Variants in PALMD observed in about 807,000 individuals in gnomAD.
PALMD encodes the protein palmdelphin, also known as paralemmin-like protein.
A neutral mutation model predicts 56.2 loss-of-function variants in PALMD; 42 were observed. The ratio of observed to expected loss-of-function variants is 0.75; its 90% CI spans 0.58 to 0.97. The LOEUF (loss-of-function observed/expected upper bound fraction) is 0.97. Among genes scored for constraint, PALMD ranks in the 50% least tolerant of loss-of-function variants. The probability of loss-of-function intolerance (pLI) is 0.00; values close to 1 mark genes in which losing one functional copy is unlikely to be tolerated. For missense variants in PALMD, 660 were observed against 643.8 expected (o/e 1.03, Z -0.27); for synonymous variants, 242 against 222.9 (o/e 1.09, Z -0.76).
chr1:99,692,790 G>GCCTTCTGCCTTCTGTTCA (rs1653689691), intron 7 of PALMD, among the ~76,000 whole-genome samples: 1 of 152,180 alleles, frequency 6.6e-6, no homozygotes, highest in African/African-American at 2.4e-5. Context: ...CTTGCCTTCT[G>GCCTTCTGCCTTCTGTTCA]CCTTCTGCCT....
intron 7 of PALMD, among the ~76,000 whole-genome samples, chr1:99,691,026 A>C (rs1390509221): frequency 6.6e-6 from 1 of 152,192 alleles, no homozygotes; most frequent in African/African-American, 2.4e-5. Flanking sequence ...GATAAATTTA[A>C]TTACCTGAAG....
intron 1 of PALMD, among the ~76,000 whole-genome samples, chr1:99,647,065 G>C (rs1443296937): frequency 6.6e-6 from 1 of 151,952 alleles, no homozygotes; most frequent in East Asian, 1.9e-4. Context: ...TTTGTTCCGG[G>C]AAAAAGTCAA....
chr1:99,692,572 G>T (rs1027849055), intron 7 of PALMD, among the ~76,000 whole-genome samples: 3 of 152,112 alleles, frequency 2.0e-5, no homozygotes, highest in Non-Finnish European at 4.4e-5. Flanking sequence ...GGAAAGAAAG[G>T]AAAGCAGACT....
chr1:99,683,094 GAA>G (rs1207357367), intron 3 of PALMD, among the ~76,000 whole-genome samples: 18 of 49,836 alleles, frequency 3.6e-4, no homozygotes, highest in South Asian at 1.7e-3. Context: ...GAGAGAGAAA[GAA>G]AGAAAGAAAG....
At chr1:99,653,290 C>G (rs1652636337) in intron 1 of PALMD, among the ~76,000 whole-genome samples, 1 of 152,100 alleles carries the variant, frequency 6.6e-6, no homozygotes, top group African/African-American at 2.4e-5. Context: ...TCACTGAAGA[C>G]CCGGCCAAAT....
chr1:99,669,597 A>T (rs1347115581), intron 3 of PALMD: 1 of 152,268 alleles, frequency 6.6e-6, no homozygotes, highest in South Asian at 2.1e-4. Flanking sequence ...CACACACTGA[A>T]CACCTACAAC....
intron 3 of PALMD, among the ~76,000 whole-genome samples, chr1:99,682,539 T>A (rs1170019789): frequency 1.3e-5 from 2 of 152,120 alleles, no homozygotes; most frequent in Non-Finnish European, 2.9e-5. Flanking sequence ...TCTTACCATA[T>A]TAGTCTAAAG....
chr1:99,652,712 AAAGAAAAG>A (rs1336660702), intron 1 of PALMD, among the ~76,000 whole-genome samples: 1 of 97,298 alleles, frequency 1.0e-5, no homozygotes, highest in Admixed American at 9.8e-5. Context: ...AAAGAAAAGA[AAAGAAAAG>A]AAAAGAAAAG....
At chr1:99,662,867 G>A (rs926245302) in intron 2 of PALMD, among the ~76,000 whole-genome samples, 15 of 152,222 alleles carry the variant, frequency 9.9e-5, no homozygotes, top group African/African-American at 3.6e-4. Context: ...AGTATGCTTC[G>A]GGTTTTTGTT....
intron 2 of PALMD, among the ~76,000 whole-genome samples, chr1:99,665,068 A>G (rs769836952): frequency 5.3e-5 from 8 of 152,094 alleles, no homozygotes; most frequent in Non-Finnish European, 1.2e-4. Context: ...TAGTAATATG[A>G]TCACAATCTC....
At chr1:99,683,026 AAG>A (rs1289101919) in intron 3 of PALMD, among the ~76,000 whole-genome samples, 6 of 22,500 alleles carry the variant, frequency 2.7e-4, no homozygotes, top group African/African-American at 1.7e-3. Context: ...GAAGGAAAGA[AAG>A]AAAGAAAGAA....
chr1:99,690,370 A>G (rs948925471), intron 7 of PALMD, among the ~76,000 whole-genome samples: 1 of 152,130 alleles, frequency 6.6e-6, no homozygotes, highest in Non-Finnish European at 1.5e-5. Flanking sequence ...CTATAGTTTC[A>G]TTAATTTTAT....
chr1:99,671,345 C>T (rs981541440), intron 3 of PALMD, among the ~76,000 whole-genome samples: 1 of 152,198 alleles, frequency 6.6e-6, no homozygotes, highest in Non-Finnish European at 1.5e-5. Context: ...CCCTCTTCTG[C>T]TGACATAGTA....
rs984918892 is a variant in PALMD at position 99,658,629 on chromosome 1, C to T, written c.46-3690C>T. 5.3e-5 allele frequency among the ~76,000 whole-genome samples: 8 copies of T among 151,536 alleles called. No individual in the cohort carries two copies. The East Asian group carries it at 5.8e-4, about 11-fold the overall frequency. The stretch of plus-strand genomic sequence containing the variant: ...TACTAAAAATACAAAAAATTAACCG[C>T]GTGTGGTGGCGGGCGCCTGTAGTCC... On this transcript the variant is annotated intron_variant, in intron 1 of 7. Transcript: ENST00000263174.
At position 99,667,686 on chromosome 1, in the gene PALMD, C is replaced by T. The variant is rs150756021; in HGVS notation, c.171C>T (p.Ser57=). The T allele has an allele frequency of 7.0e-5, 113 of 1,612,500 alleles. No homozygotes were observed. Among genetic ancestry groups the T allele is most frequent in the Non-Finnish European group, 8.8e-5 (104 of 1,178,900 alleles). ...REKWLLDGIS[S]GKEQEEMKKQ... ...AATGGCTTCTAGATGGAATCAGCAG[C>T]GGAAAAGAACAGGAAGAGATGAAGA... Residue 57 remains serine (S), a synonymous_variant, in exon 3 of 8, where the codon AGC becomes AGT. Transcript: ENST00000263174.
chr1:99,687,713 T>G (rs1653540263), intron 6 of PALMD, among the ~76,000 whole-genome samples: 1 of 152,198 alleles, frequency 6.6e-6, no homozygotes, highest in African/African-American at 2.4e-5. Flanking sequence ...TGGTAGTCAT[T>G]TATTCATTCA....
At chr1:99,674,881 A>G (rs1653167369) in intron 3 of PALMD, among the ~76,000 whole-genome samples, 1 of 152,190 alleles carries the variant, frequency 6.6e-6, no homozygotes, top group Non-Finnish European at 1.5e-5. Context: ...GCAGCGACTC[A>G]TTGTAATAGA....
chr1:99,675,883 G>A (rs867007094), intron 3 of PALMD, among the ~76,000 whole-genome samples: 1 of 152,064 alleles, frequency 6.6e-6, no homozygotes, highest in South Asian at 2.1e-4. Flanking sequence ...TTCAAATTAG[G>A]ATACTATCAT....
rs778680702 is a variant in PALMD, at chr1:99,694,112, T to G, written c.*50T>G. 3 of 1,276,700 alleles carry G rather than the reference T, an allele frequency of 2.3e-6. No individual in the cohort carries two copies. The East Asian group carries it at 7.0e-5, about 30-fold the overall frequency. The allele number at this position is 1,276,700 out of a possible 1,614,324, so 79.1% of individuals were successfully genotyped here. On this transcript the variant is annotated 3_prime_UTR_variant, in exon 8 of 8. Transcript: ENST00000263174. ...CCTTTGAAGAAGAAACTAAGAAGCA[T>G]TTGCAAATTTCTCTTCTGGATATTT...
Sources: gnomAD v4.1 joint callset for allele counts (sites outside exome capture counted in the v4.1 genomes callset) on GRCh38, gnomAD v4.1.1 for gene constraint, MANE v1.5 for transcripts, NCBI Gene and HGNC (gene_info 2026-07-23, HGNC 2026-07-21) for gene names.